The following RASEF variants were observed in gnomAD, a reference collection of about 807,000 sequenced individuals.
The protein encoded by RASEF is ras and EF-hand domain-containing protein.
RASEF carries 68 observed loss-of-function variants against 90.1 expected under a neutral mutation model. That is an observed-to-expected ratio of 0.75 (90% CI 0.62 to 0.92). RASEF has a LOEUF of 0.92. Among genes scored for constraint, RASEF ranks in the 40% least tolerant of loss-of-function variants. The probability of loss-of-function intolerance (pLI) is 0.00; values close to 1 mark genes in which losing one functional copy is unlikely to be tolerated. For missense variants in RASEF, 949 were observed against 937.2 expected (o/e 1.01, Z -0.16); for synonymous variants, 331 against 345.2 (o/e 0.96, Z 0.46).
chr9:83,025,772 TA>T lies in RASEF; in HGVS notation c.578+2del. 6.2e-7 allele frequency: 1 copy of T among 1,613,106 alleles called. No individual in the cohort carries two copies. Reference sequence around the variant, plus strand: ...GCCACTTATAAAGGAAGGACTTCAATACCTCTTCACCGCAATGGCCAAATTT... The same window carrying T: ...GCCACTTATAAAGGAAGGACTTCAATCCTCTTCACCGCAATGGCCAAATTT... On this transcript the variant is annotated splice_donor_variant, in intron 2 of 16. Coordinates refer to ENST00000376447, the MANE Select transcript of RASEF (RefSeq NM_152573.4). LOFTEE classifies it high-confidence loss of function.
At chr9:83,126,044 G>A in the RASEF span, among the ~76,000 whole-genome samples, 1 of 152,186 alleles carries the variant, frequency 6.6e-6, no homozygotes, top group African/African-American at 2.4e-5. Flanking sequence ...GCCTCCCACT[G>A]AAGAGCTATG....
chr9:83,114,926 A>T, the RASEF span, among the ~76,000 whole-genome samples: 8 of 152,082 alleles, frequency 5.3e-5, no homozygotes, highest in Non-Finnish European at 1.5e-5. Flanking sequence ...GAAGAATGTG[A>T]TCTCTGTGAC....
At chr9:83,199,634 T>C in the RASEF span, among the ~76,000 whole-genome samples, 1 of 152,304 alleles carries the variant, frequency 6.6e-6, no homozygotes, top group South Asian at 2.1e-4. Flanking sequence ...GGACAACATC[T>C]GTCAGCAAGA....
At chr9:83,148,803 T>A in the RASEF span, among the ~76,000 whole-genome samples, 1 of 152,230 alleles carries the variant, frequency 6.6e-6, no homozygotes, top group African/African-American at 2.4e-5. Context: ...GCTAATGAGA[T>A]ACTGTCTCAT....
chr9:83,178,834 T>A, the RASEF span, among the ~76,000 whole-genome samples: 1 of 152,122 alleles, frequency 6.6e-6, no homozygotes, highest in Non-Finnish European at 1.5e-5. Context: ...TGGGTTTCCT[T>A]CCACAATGCC....
chr9:83,131,459 G>C, the RASEF span, among the ~76,000 whole-genome samples: 1 of 152,170 alleles, frequency 6.6e-6, no homozygotes, highest in Non-Finnish European at 1.5e-5. Flanking sequence ...ACATATGAAA[G>C]CTAGAGGGTT....
At chr9:83,070,715 C>T in the RASEF span, among the ~76,000 whole-genome samples, 1 of 152,120 alleles carries the variant, frequency 6.6e-6, no homozygotes, top group Non-Finnish European at 1.5e-5. Flanking sequence ...ACAGCTCAAT[C>T]TTGGGAGAAC....
At chr9:83,025,753 T>C (rs576419775) in intron 2 of RASEF, 22 bp downstream of exon 2, 5 of 1,610,318 alleles carry the variant, frequency 3.1e-6, no homozygotes, top group Admixed American at 1.7e-5. Context: ...ACAGGCCACT[T>C]ATAAAGGAAG....
the RASEF span, among the ~76,000 whole-genome samples, chr9:83,132,669 G>A: frequency 5.9e-5 from 9 of 152,102 alleles, no homozygotes; most frequent in African/African-American, 2.2e-4. Context: ...TAATGAGCAT[G>A]TTCATCTTCA....
the RASEF span, among the ~76,000 whole-genome samples, chr9:83,096,403 T>G: frequency 3.3e-4 from 51 of 152,264 alleles, no homozygotes; most frequent in African/African-American, 1.2e-3. Flanking sequence ...TATGGGCAGA[T>G]TTCAAATAAA....
the RASEF span, among the ~76,000 whole-genome samples, chr9:83,083,647 AT>A: frequency 7.9e-5 from 12 of 152,154 alleles, no homozygotes; most frequent in African/African-American, 2.9e-4. Context: ...GAATACTAGA[AT>A]TTTTTAATGT....
At chr9:83,086,952 A>T in the RASEF span, among the ~76,000 whole-genome samples, 1 of 152,234 alleles carries the variant, frequency 6.6e-6, no homozygotes, top group Non-Finnish European at 1.5e-5. Flanking sequence ...GGAAGGAACT[A>T]CATAAAGGTG....
At chr9:83,086,955 T>A in the RASEF span, among the ~76,000 whole-genome samples, 2 of 152,130 alleles carry the variant, frequency 1.3e-5, no homozygotes, top group Non-Finnish European at 2.9e-5. Flanking sequence ...AGGAACTACA[T>A]AAAGGTGTGA....
the RASEF span, among the ~76,000 whole-genome samples, chr9:83,182,219 A>T: frequency 2.6e-4 from 40 of 152,352 alleles, no homozygotes; most frequent in African/African-American, 8.7e-4. Context: ...ACACTGCTGC[A>T]TCGGGTCTGA....
At chr9:83,179,688 T>C in the RASEF span, among the ~76,000 whole-genome samples, 1 of 152,194 alleles carries the variant, frequency 6.6e-6, no homozygotes, top group Non-Finnish European at 1.5e-5. Context: ...TATACTGTAA[T>C]TGCAAATAAG....
the RASEF span, among the ~76,000 whole-genome samples, chr9:83,193,174 G>T: frequency 6.6e-6 from 1 of 152,296 alleles, no homozygotes; most frequent in East Asian, 1.9e-4. Flanking sequence ...CGCCTTCCTG[G>T]CAGGCAGCTG....
the RASEF span, among the ~76,000 whole-genome samples, chr9:83,072,961 TAGAG>T: frequency 1.3e-5 from 2 of 152,210 alleles, no homozygotes; most frequent in Non-Finnish European, 1.5e-5. Flanking sequence ...TTCTCAGTTT[TAGAG>T]AGGAAAACAC....
chr9:83,005,265 ATGC>A, intron 8 of RASEF, 148 bp downstream of exon 8: 1 of 613,638 alleles, frequency 1.6e-6, no homozygotes, highest in Non-Finnish European at 2.9e-6. Flanking sequence ...ATTTGGAAAA[ATGC>A]TGCCTCGTTT....
chr9:83,135,533 A>G, the RASEF span, among the ~76,000 whole-genome samples: 1 of 152,308 alleles, frequency 6.6e-6, no homozygotes, highest in East Asian at 1.9e-4. Flanking sequence ...TGAATTGCAC[A>G]CTTTAAAAGG....
Sources: allele counts gnomAD v4.1 joint callset (sites outside exome capture counted in the v4.1 genomes callset), GRCh38; gene constraint gnomAD v4.1.1; transcripts MANE v1.5; gene names NCBI Gene and HGNC (gene_info 2026-07-23, HGNC 2026-07-21).